OPRM1: variants seen among roughly 807,000 people sequenced by gnomAD.
OPRM1 encodes the protein opioid receptor mu 1.
A neutral mutation model predicts 31.8 loss-of-function variants in OPRM1; 27 were observed. The ratio of observed to expected loss-of-function variants is 0.85; its 90% CI spans 0.63 to 1.17. The LOEUF is 1.17. Among genes scored for constraint, OPRM1 ranks in the 50% most tolerant of loss-of-function variants. The pLI is 0.00. For missense variants in OPRM1, 536 were observed against 511.1 expected, an observed-to-expected ratio of 1.05 and a Z score of -0.47; for synonymous variants, 196 against 189.9, an observed-to-expected ratio of 1.03 and a Z score of -0.26.
chr6:154,047,001 A>G (rs1299513464), intron 1 of OPRM1, among the ~76,000 whole-genome samples: 2 of 152,164 alleles, frequency 1.3e-5, no homozygotes, highest in African/African-American at 2.4e-5. Flanking sequence ...TATAAGCTCA[A>G]ATAGGTTCTG....
chr6:154,118,878 A>G lies in OPRM1; in HGVS notation c.*157A>G, dbSNP rs201786947. ...TTCCTCTCTGGCCACTCTGCTCTGCACATTAGAGGGACAGCCAAAAGTAAG... is the reference window on the plus strand; with the variant it reads ...TTCCTCTCTGGCCACTCTGCTCTGCGCATTAGAGGGACAGCCAAAAGTAAG... On this transcript the variant is annotated 3_prime_UTR_variant, in exon 4 of 4. Coordinates refer to ENST00000330432, the MANE Select transcript of OPRM1 (RefSeq NM_000914.5). 3.0e-4 allele frequency: 436 copies of G among 1,462,212 alleles called. No homozygotes were observed. Among genetic ancestry groups the G allele is most frequent in the Non-Finnish European group, 3.6e-4 (406 of 1,114,062 alleles). The allele number at this position is 1,462,212 out of a possible 1,614,324, so 90.6% of individuals were successfully genotyped here. A position where few individuals can be genotyped will look rare whatever the true frequency, so the allele number is the denominator to read the frequency against.
rs564735801 is a variant in OPRM1 at position 154,098,337 on chromosome 6, C to T, written c.1164+6865C>T. 1.3e-3 allele frequency among the ~76,000 whole-genome samples: 193 copies of T among 152,190 alleles called. 1 individual carries two copies. The highest frequency in any genetic ancestry group is 1.6e-3 in the Non-Finnish European group (106 of 67,996). ...ACTGAAAAACAGCAACATATTTTTC[C>T]TTTCAAAACTAACAAAATGAGATGT... On this transcript the variant is annotated intron_variant, in intron 3 of 3. Coordinates refer to ENST00000330432, the MANE Select transcript of OPRM1 (RefSeq NM_000914.5).
At chr6:154,100,279 A>C (rs942015150) in intron 3 of OPRM1, among the ~76,000 whole-genome samples, 1 of 149,730 alleles carries the variant, frequency 6.7e-6, no homozygotes, top group Non-Finnish European at 1.5e-5. Context: ...TCATATTATG[A>C]CATATATCAT....
exon 4 of OPRM1, chr6:154,246,790 T>G: frequency 6.2e-7 from 1 of 1,605,926 alleles, no homozygotes; most frequent in Non-Finnish European, 8.5e-7. Flanking sequence ...AGGTAGATAA[T>G]GTATTACCCT....
At chr6:154,062,724 T>A (rs1354780970) in intron 1 of OPRM1, among the ~76,000 whole-genome samples, 2 of 152,166 alleles carry the variant, frequency 1.3e-5, no homozygotes, top group South Asian at 4.1e-4. Flanking sequence ...CTAATTGCAT[T>A]ACCTTTATTT....
intron 1 of OPRM1, chr6:154,074,033 T>C (rs1013482135): frequency 2.6e-5 from 4 of 152,172 alleles, no homozygotes; most frequent in African/African-American, 7.2e-5. Flanking sequence ...CATCTTCAGA[T>C]AGATAAAAGA....
chr6:154,133,143 A>G (rs1041270461), downstream of OPRM1, among the ~76,000 whole-genome samples: 37 of 152,100 alleles, frequency 2.4e-4, no homozygotes, highest in Non-Finnish European at 2.4e-4. Flanking sequence ...AAAGAAAGAA[A>G]AAAACTATCT....
chr6:154,207,754 AT>A (rs564261862), intron 3 of OPRM1, among the ~76,000 whole-genome samples: 87 of 151,424 alleles, frequency 5.7e-4, no homozygotes, highest in African/African-American at 1.2e-3. Flanking sequence ...ATTTTAGCTG[AT>A]TTTTTTTTCC....
In OPRM1 at chr6:154,039,292, G is replaced by A. The variant is rs779909053; in HGVS notation, c.-253G>A. Reference sequence around the variant, plus strand: ...GCATGGCCCACGCTCCCCTCCTGCAGCGGTGCGGGGCAGGTGATGAGCCTC... The same window carrying A: ...GCATGGCCCACGCTCCCCTCCTGCAACGGTGCGGGGCAGGTGATGAGCCTC... On this transcript the variant is annotated 5_prime_UTR_variant, in exon 1 of 4. Coordinates refer to ENST00000330432, the MANE Select transcript of OPRM1 (RefSeq NM_000914.5). The A allele has an allele frequency of 7.7e-6, 12 of 1,551,218 alleles. No individual in the cohort carries two copies. Among genetic ancestry groups the A allele is most frequent in the Non-Finnish European group, 1.0e-5 (12 of 1,146,744 alleles).
intron 3 of OPRM1, chr6:154,223,195 T>C: frequency 1.2e-6 from 2 of 1,613,832 alleles, no homozygotes; most frequent in Non-Finnish European, 8.5e-7. Flanking sequence ...TCAGATGCTC[T>C]TTCCACAGTG....
At chr6:154,175,477 T>A (rs1800240221) in intron 3 of OPRM1, among the ~76,000 whole-genome samples, 1 of 147,818 alleles carries the variant, frequency 6.8e-6, no homozygotes. Flanking sequence ...CAATAAAAAA[T>A]GATAAAGGGG....
intron 3 of OPRM1, chr6:154,109,148 C>A: frequency 4.1e-6 from 2 of 491,278 alleles, no homozygotes; most frequent in Non-Finnish European, 2.6e-6. Flanking sequence ...GATGAATAAC[C>A]AAGATGGCAG....
chr6:154,137,019 T>C (rs940633906), downstream of OPRM1, among the ~76,000 whole-genome samples: 3 of 152,216 alleles, frequency 2.0e-5, no homozygotes, highest in African/African-American at 7.2e-5. Context: ...ACTAAGATCT[T>C]TATGATCTCA....
intron 1 of OPRM1, among the ~76,000 whole-genome samples, chr6:154,081,348 A>C (rs1022072233): frequency 2.6e-5 from 4 of 152,156 alleles, no homozygotes; most frequent in Non-Finnish European, 4.4e-5. Flanking sequence ...CTAAAAATAC[A>C]GAAAAAAAGT....
chr6:154,070,501 A>C (rs797022300), intron 1 of OPRM1, among the ~76,000 whole-genome samples: 4 of 152,314 alleles, frequency 2.6e-5, no homozygotes, highest in African/African-American at 9.6e-5. Flanking sequence ...AAGTAAGAAA[A>C]ATCCAAGTAA....
rs1797644274 is a variant in OPRM1 at position 154,127,265 on chromosome 6, T to TGGCCATTATCATCTAA, written c.*8547_*8562dup. On this transcript the variant is annotated 3_prime_UTR_variant, in exon 4 of 4. Transcript: ENST00000330432. ...CTGAGATGTCATGCTTTGAAATCAG[T>TGGCCATTATCATCTAA]GGCCATTATCATCTAAGGATTCCGC... 6.6e-6 allele frequency among the ~76,000 whole-genome samples: 1 copy of TGGCCATTATCATCTAA among 152,160 alleles called. No homozygotes were observed. Among genetic ancestry groups the TGGCCATTATCATCTAA allele is most frequent in the South Asian group, 2.1e-4 (1 of 4,828 alleles).
intron 3 of OPRM1, among the ~76,000 whole-genome samples, chr6:154,109,334 A>G (rs504932): frequency 0.21 from 31,442 of 152,190 alleles, 3,481 homozygotes; most frequent in Non-Finnish European, 0.25. Flanking sequence ...CAGTACAACC[A>G]AACAAAAAAA....
chr6:154,087,216 G>C, intron 1 of OPRM1: 1 of 985,400 alleles, frequency 1.0e-6, no homozygotes, highest in African/African-American at 1.7e-5. Context: ...TCAGGTATCA[G>C]AATTTTAAAG....
At chr6:154,178,518 C>A (rs1800552792) in intron 3 of OPRM1, among the ~76,000 whole-genome samples, 1 of 152,144 alleles carries the variant, frequency 6.6e-6, no homozygotes, top group Middle Eastern at 3.4e-3. Context: ...TCTTCCATTT[C>A]TTTTTCTAAC....
Sources: gnomAD v4.1 joint callset for allele counts (sites outside exome capture counted in the v4.1 genomes callset) on GRCh38, gnomAD v4.1.1 for gene constraint, MANE v1.5 for transcripts, NCBI Gene and HGNC (gene_info 2026-07-23, HGNC 2026-07-21) for gene names.